LRRC4C: variants seen among roughly 807,000 people sequenced by gnomAD.
LRRC4C encodes the protein leucine-rich repeat-containing protein 4C.
A neutral mutation model predicts 33.6 loss-of-function variants in LRRC4C; 5 were observed. The observed-to-expected ratio is 0.15, with a 90% CI of 0.08 to 0.31. The LOEUF (loss-of-function observed/expected upper bound fraction) is 0.31. LRRC4C is among the 10% of genes least tolerant of loss of function. The pLI is 1.00. For missense variants in LRRC4C, 560 were observed against 796.7 expected (o/e 0.70, Z 3.58); for synonymous variants, 329 against 302.0 (o/e 1.09, Z -0.93).
intron 3 of LRRC4C, among the ~76,000 whole-genome samples, chr11:40,601,152 A>G (rs938079409): frequency 6.6e-6 from 1 of 152,160 alleles, no homozygotes; most frequent in Non-Finnish European, 1.5e-5. Flanking sequence ...TACTTGCTTT[A>G]TCTTCTGCTT....
At chr11:40,712,042 T>G (rs2136599008) in intron 2 of LRRC4C, among the ~76,000 whole-genome samples, 1 of 152,280 alleles carries the variant, frequency 6.6e-6, no homozygotes, top group East Asian at 1.9e-4. Context: ...TAACCACATC[T>G]AATAACACAG....
rs61877287 is a variant in LRRC4C, at chr11:41,290,278, T to G, written c.-496+169153A>C. Among the ~76,000 whole-genome samples, 478 of 152,288 alleles carry G rather than the reference T, an allele frequency of 3.1e-3. 1 individual carries two copies. The highest frequency in any genetic ancestry group is 5.1e-3 in the Non-Finnish European group (347 of 68,026). ...AGGGCAATAATGGCTTCAACAGAAA[T>G]GTAGAAAACTATAAGCACTCCTGCC... On this transcript the variant is annotated intron_variant, in intron 1 of 6. Coordinates refer to ENST00000528697, the MANE Select transcript of LRRC4C (RefSeq NM_001258419.2).
At chr11:40,264,161 TA>T (rs1252999588) in intron 4 of LRRC4C, among the ~76,000 whole-genome samples, 1 of 152,172 alleles carries the variant, frequency 6.6e-6, no homozygotes, top group Non-Finnish European at 1.5e-5. Flanking sequence ...ACTAAATCCA[TA>T]AGTGCCAGAG....
intron 1 of LRRC4C, among the ~76,000 whole-genome samples, chr11:41,257,913 A>G (rs1591082319): frequency 1.3e-5 from 2 of 151,996 alleles, no homozygotes; most frequent in Admixed American, 1.3e-4. Flanking sequence ...AATAAATATG[A>G]GTTCTTTTTC....
At chr11:41,368,247 A>G (rs1952615692) in intron 1 of LRRC4C, among the ~76,000 whole-genome samples, 2 of 152,132 alleles carry the variant, frequency 1.3e-5, no homozygotes, top group Admixed American at 1.3e-4. Context: ...AAGCAGAATG[A>G]GATACACCCA....
intron 3 of LRRC4C, among the ~76,000 whole-genome samples, chr11:40,631,740 A>C (rs900588798): frequency 1.3e-5 from 2 of 152,190 alleles, no homozygotes; most frequent in African/African-American, 4.8e-5. Flanking sequence ...TCTGAGATCC[A>C]AAGTAGTTTA....
intron 3 of LRRC4C, among the ~76,000 whole-genome samples, chr11:40,532,857 T>G (rs1350144409): frequency 6.6e-6 from 1 of 152,114 alleles, no homozygotes; most frequent in African/African-American, 2.4e-5. Flanking sequence ...CAGTTTCGCA[T>G]GGCTGGAGAG....
chr11:40,856,207 T>C (rs927349993), intron 2 of LRRC4C, among the ~76,000 whole-genome samples: 1 of 152,158 alleles, frequency 6.6e-6, no homozygotes, highest in Non-Finnish European at 1.5e-5. Context: ...TGTGAATTCT[T>C]AAAACTGTGA....
At chr11:40,903,257 C>T (rs1052128879) in intron 2 of LRRC4C, among the ~76,000 whole-genome samples, 16 of 152,194 alleles carry the variant, frequency 1.1e-4, no homozygotes, top group Non-Finnish European at 7.3e-5. Flanking sequence ...AGCAGCACAT[C>T]TGTTTACAGC....
At chr11:40,501,190 G>T (rs1432945117) in intron 3 of LRRC4C, among the ~76,000 whole-genome samples, 1 of 152,138 alleles carries the variant, frequency 6.6e-6, no homozygotes, top group East Asian at 1.9e-4. Context: ...TGCCCCTGTG[G>T]CTTTGCAGGA....
intron 1 of LRRC4C, among the ~76,000 whole-genome samples, chr11:41,418,524 TA>T (rs1181991685): frequency 6.6e-6 from 1 of 151,896 alleles, no homozygotes; most frequent in Non-Finnish European, 1.5e-5. Context: ...GCAAAACCTG[TA>T]AAAGCGCCCA....
chr11:40,711,935 C>A (rs1946486424), intron 2 of LRRC4C, among the ~76,000 whole-genome samples: 1 of 152,122 alleles, frequency 6.6e-6, no homozygotes, highest in South Asian at 2.1e-4. Context: ...AACTTAAATG[C>A]TGAATTTTAA....
chr11:41,402,035 A>G (rs1011554353), intron 1 of LRRC4C, among the ~76,000 whole-genome samples: 3 of 152,118 alleles, frequency 2.0e-5, no homozygotes, highest in Admixed American at 6.6e-5. Context: ...TTAAAGACAT[A>G]TACATAAAAA....
At chr11:41,277,794 G>A (rs529755180) in intron 1 of LRRC4C, among the ~76,000 whole-genome samples, 3 of 151,944 alleles carry the variant, frequency 2.0e-5, no homozygotes, top group East Asian at 1.9e-4. Flanking sequence ...TTCAAGTTCC[G>A]TGAGTAACTT....
chr11:40,827,344 G>A (rs1327977968), intron 2 of LRRC4C, among the ~76,000 whole-genome samples: 1 of 151,860 alleles, frequency 6.6e-6, no homozygotes, highest in Non-Finnish European at 1.5e-5. Flanking sequence ...CATGTGCAGA[G>A]TTACCAGACA....
intron 2 of LRRC4C, among the ~76,000 whole-genome samples, chr11:40,925,822 T>C (rs1957388621): frequency 6.6e-6 from 1 of 152,168 alleles, no homozygotes; most frequent in African/African-American, 2.4e-5. Flanking sequence ...CAGGCATTAT[T>C]TTAGGCACTG....
intron 2 of LRRC4C, among the ~76,000 whole-genome samples, chr11:40,853,779 T>C (rs1440018279): frequency 6.6e-6 from 1 of 152,162 alleles, no homozygotes; most frequent in African/African-American, 2.4e-5. Flanking sequence ...AATGTTACTT[T>C]AGTGCACAGA....
At chr11:41,279,381 A>AAC (rs575973002) in intron 1 of LRRC4C, among the ~76,000 whole-genome samples, 8,536 of 126,266 alleles carry the variant, frequency 0.068, 405 homozygotes, top group South Asian at 0.13. Flanking sequence ...CACACACACA[A>AAC]ACACACACAC....
chr11:40,248,301 A>G (rs530480420), intron 4 of LRRC4C, among the ~76,000 whole-genome samples: 1 of 152,158 alleles, frequency 6.6e-6, no homozygotes, highest in Non-Finnish European at 1.5e-5. Context: ...ATAACAGTGC[A>G]TTACATATTT....
Sources: allele counts gnomAD v4.1 joint callset (sites outside exome capture counted in the v4.1 genomes callset), GRCh38; gene constraint gnomAD v4.1.1; transcripts MANE v1.5; gene names NCBI Gene and HGNC (gene_info 2026-07-23, HGNC 2026-07-21).